Variants in ODAD2 observed in about 807,000 individuals in gnomAD.
The protein encoded by ODAD2 is outer dynein arm docking complex subunit 2.
In ODAD2, 89 loss-of-function variants were observed where a neutral mutation model predicts 106.8. The observed-to-expected ratio is 0.83, with a 90% confidence interval of 0.70 to 0.99. ODAD2 has a LOEUF of 0.99. Among genes scored for constraint, ODAD2 ranks in the 50% least tolerant of loss-of-function variants. ODAD2 has a pLI of 0.00. For missense variants in ODAD2, 1,168 were observed against 1,238.5 expected (o/e 0.94, Z 0.85); for synonymous variants, 404 against 436.2 (o/e 0.93, Z 0.92).
At chr10:27,929,742 A>T (rs897911352) in intron 16 of ODAD2, among the ~76,000 whole-genome samples, 1 of 152,190 alleles carries the variant, frequency 6.6e-6, no homozygotes, top group Non-Finnish European at 1.5e-5. Flanking sequence ...AGGATGTTTT[A>T]ATCAATGGCT....
chr10:27,960,133 AG>A (rs1848021193), intron 10 of ODAD2, among the ~76,000 whole-genome samples: 1 of 151,962 alleles, frequency 6.6e-6, no homozygotes, highest in African/African-American at 2.4e-5. Context: ...TCTCTCCAAT[AG>A]TCTAGAGGTT....
intron 17 of ODAD2, among the ~76,000 whole-genome samples, chr10:27,872,170 T>A (rs1008887295): frequency 9.2e-5 from 14 of 152,002 alleles, no homozygotes; most frequent in Non-Finnish European, 1.9e-4. Context: ...CTGTTATTGG[T>A]GTATAAGAAT....
rs374705540 is a variant in ODAD2 at position 27,839,034 on chromosome 10, G to C, written c.3021+21591C>G. ...TTTAAATTTGGAGGAATCCTGGACT[G>C]TTCAATTTAGGCAAGATAAGCTACC... On this transcript the variant is annotated intron_variant, in intron 19 of 19. Transcript: ENST00000305242. Among the ~76,000 whole-genome samples, 3 of 152,126 alleles carry C rather than the reference G, an allele frequency of 2.0e-5. 1 individual carries two copies. In the East Asian group the frequency reaches 5.8e-4, roughly 29 times the overall value.
At chr10:27,848,878 C>T (rs1325343830) in intron 19 of ODAD2, among the ~76,000 whole-genome samples, 1 of 152,078 alleles carries the variant, frequency 6.6e-6, no homozygotes, top group African/African-American at 2.4e-5. Flanking sequence ...GTTAGAATGG[C>T]GATCATTAAA....
At chr10:27,988,337 CTTTTT>C (rs5784035) in intron 2 of ODAD2, among the ~76,000 whole-genome samples, 1 of 128,780 alleles carries the variant, frequency 7.8e-6, no homozygotes, top group Admixed American at 8.0e-5. Flanking sequence ...CCTGATCTAG[CTTTTT>C]TTTTTTTTTT....
intron 9 of ODAD2, among the ~76,000 whole-genome samples, chr10:27,967,562 T>A (rs541483692): frequency 4.6e-5 from 7 of 151,666 alleles, no homozygotes; most frequent in African/African-American, 1.7e-4. Flanking sequence ...ACATACCTCA[T>A]CCTGCCAATA....
chr10:27,972,216 A>G (rs80301376), intron 7 of ODAD2, among the ~76,000 whole-genome samples: 1,752 of 152,292 alleles, frequency 0.012, 29 homozygotes, highest in African/African-American at 0.04. Flanking sequence ...TTTTACTTAA[A>G]GGAGACGTGA....
rs1312646787 is a variant in ODAD2 at position 27,969,031 on chromosome 10, A to T, written c.1143-13T>A. ...TGCTGAGCCTTTGCTTTAAAAAAAT[A>T]TACAAATATATTAGCTTTATTGCTT... On this transcript the variant is annotated splice_polypyrimidine_tract_variant and intron_variant, in intron 8 of 19. Coordinates refer to ENST00000305242, the MANE Select transcript of ODAD2 (RefSeq NM_018076.5). 8 of 600,700 alleles carry T rather than the reference A, an allele frequency of 1.3e-5. No homozygotes were observed. Among genetic ancestry groups the T allele is most frequent in the Middle Eastern group, 4.5e-4 (1 of 2,206 alleles). The allele number at this position is 600,700 out of a possible 1,614,324, so 37.2% of individuals were successfully genotyped here. A position where few individuals can be genotyped will look rare whatever the true frequency, so the allele number is the denominator to read the frequency against.
intron 17 of ODAD2, among the ~76,000 whole-genome samples, chr10:27,865,636 T>A (rs1047684223): frequency 6.6e-6 from 1 of 152,262 alleles, no homozygotes; most frequent in Non-Finnish European, 1.5e-5. Flanking sequence ...GGACTCTTGC[T>A]GTCTCATTCA....
chr10:27,867,315 C>T (rs879363404), intron 17 of ODAD2, among the ~76,000 whole-genome samples: 4 of 152,190 alleles, frequency 2.6e-5, no homozygotes, highest in Non-Finnish European at 4.4e-5. Flanking sequence ...CTGTGATGAA[C>T]GGATAAGACT....
chr10:27,847,534 C>T (rs200697842), intron 19 of ODAD2, among the ~76,000 whole-genome samples: 89,688 of 151,112 alleles, frequency 0.59, 26,933 homozygotes, highest in Middle Eastern at 0.7. Flanking sequence ...CCCTCTCTCA[C>T]CCCTGCTATT....
chr10:27,989,164 G>C (rs984299278), intron 2 of ODAD2, among the ~76,000 whole-genome samples: 1 of 152,130 alleles, frequency 6.6e-6, no homozygotes, highest in African/African-American at 2.4e-5. Context: ...CTGACCTCTA[G>C]AACTGTAAGA....
Position 27,906,882 on chromosome 10 carries a change from A to T in ODAD2, c.2610+781T>A, listed in dbSNP as rs974535019. Among the ~76,000 whole-genome samples, 5 of 152,254 alleles carry T rather than the reference A, an allele frequency of 3.3e-5. No individual in the cohort carries two copies. The East Asian group carries it at 7.7e-4, about 24-fold the overall frequency. On this transcript the variant is annotated intron_variant, in intron 17 of 19. Coordinates refer to ENST00000305242, the MANE Select transcript of ODAD2 (RefSeq NM_018076.5). Reference sequence around the variant, plus strand: ...CTGTCAGGGGGTGCGGGACTAGGGGAGGAATAGCATTAGGAGAAATACCTA... The same window carrying T: ...CTGTCAGGGGGTGCGGGACTAGGGGTGGAATAGCATTAGGAGAAATACCTA...
intron 10 of ODAD2, among the ~76,000 whole-genome samples, chr10:27,949,584 A>G (rs1210674637): frequency 3.3e-5 from 5 of 152,176 alleles, no homozygotes; most frequent in Non-Finnish European, 7.4e-5. Context: ...GCACCTAAAT[A>G]AGGCCAGAGC....
At chr10:27,822,487 T>C (rs764313201) in intron 19 of ODAD2, among the ~76,000 whole-genome samples, 2 of 152,074 alleles carry the variant, frequency 1.3e-5, no homozygotes, top group East Asian at 1.9e-4. Context: ...TGCAGTGACG[T>C]TGTAGCACTC....
intron 14 of ODAD2, among the ~76,000 whole-genome samples, chr10:27,937,416 C>G (rs1463212656): frequency 6.7e-6 from 1 of 150,290 alleles, no homozygotes; most frequent in Non-Finnish European, 1.5e-5. Context: ...CGACTCACTG[C>G]AACCTCCACC....
At chr10:27,868,026 T>C (rs1484299272) in intron 17 of ODAD2, among the ~76,000 whole-genome samples, 2 of 150,688 alleles carry the variant, frequency 1.3e-5, no homozygotes, top group Non-Finnish European at 3.0e-5. Flanking sequence ...ATAAAAAACA[T>C]GAACAAACAC....
At chr10:27,913,712 G>A (rs987028302) in intron 16 of ODAD2, among the ~76,000 whole-genome samples, 3 of 152,102 alleles carry the variant, frequency 2.0e-5, no homozygotes, top group African/African-American at 7.2e-5. Context: ...CATACACGTG[G>A]CCAGCAAGCA....
intron 2 of ODAD2, among the ~76,000 whole-genome samples, chr10:27,990,248 A>G (rs1850141611): frequency 6.6e-6 from 1 of 152,128 alleles, no homozygotes; most frequent in African/African-American, 2.4e-5. Context: ...CCTGGGCTCA[A>G]GGGATTCTTC....
Sources: allele counts gnomAD v4.1 joint callset (sites outside exome capture counted in the v4.1 genomes callset), GRCh38; gene constraint gnomAD v4.1.1; transcripts MANE v1.5; gene names NCBI Gene and HGNC (gene_info 2026-07-23, HGNC 2026-07-21).